The following IGF1R variants were observed in gnomAD, a reference collection of about 807,000 sequenced individuals.
IGF1R encodes insulin like growth factor 1 receptor, also known as insulin-like growth factor 1 receptor.
A neutral mutation model predicts 144.6 loss-of-function variants in IGF1R; 44 were observed. That is an observed-to-expected ratio of 0.30 (90% CI 0.24 to 0.39). The LOEUF is 0.39. Ranked by LOEUF, IGF1R falls within the 10% of genes least tolerant of loss-of-function variation. The pLI, the probability that IGF1R is intolerant of heterozygous loss-of-function variation, is 1.00. For synonymous variants in IGF1R, 795 were observed against 722.8 expected (o/e 1.10, Z -1.60); for missense variants, 1,355 against 1,833.7 (o/e 0.74, Z 4.77).
At chr15:98,669,677 G>C (rs985193197) in intron 1 of IGF1R, among the ~76,000 whole-genome samples, 1 of 152,180 alleles carries the variant, frequency 6.6e-6, no homozygotes, top group African/African-American at 2.4e-5. Flanking sequence ...GTGAAACACT[G>C]ACTTCCCTCC....
At chr15:98,864,845 C>T (rs769587658) in intron 2 of IGF1R, among the ~76,000 whole-genome samples, 2 of 152,114 alleles carry the variant, frequency 1.3e-5, no homozygotes, top group Non-Finnish European at 2.9e-5. Context: ...TTGATGAAAC[C>T]GAATGGCTAA....
chr15:98,911,996 C>G (rs1452890025), intron 7 of IGF1R, among the ~76,000 whole-genome samples: 1 of 152,192 alleles, frequency 6.6e-6, no homozygotes, highest in Non-Finnish European at 1.5e-5. Context: ...TGTGACTTCT[C>G]CTAGACTCTG....
intron 1 of IGF1R, among the ~76,000 whole-genome samples, chr15:98,655,706 C>G (rs2052469593): frequency 6.6e-6 from 1 of 150,640 alleles, no homozygotes; most frequent in Non-Finnish European, 1.5e-5. Flanking sequence ...TTTTCCTGCC[C>G]TGGACTACAG....
chr15:98,854,118 T>C (rs926623962), intron 2 of IGF1R, among the ~76,000 whole-genome samples: 2 of 152,196 alleles, frequency 1.3e-5, no homozygotes, highest in African/African-American at 4.8e-5. Flanking sequence ...TTGTGTATCG[T>C]GTGGTGACAG....
intron 2 of IGF1R, chr15:98,821,033 T>C (rs567339708): frequency 6.6e-6 from 1 of 152,334 alleles, no homozygotes; most frequent in South Asian, 2.1e-4. Flanking sequence ...GTGTTTTTTA[T>C]GTAAATGCTG....
rs1413821254 is a variant in IGF1R, at chr15:98,935,098, G to A, written c.3186+45G>A. ...AAGCCAAAATGCAGCACAGGGAGAG[G>A]GTATCACACAAGCCTCCCAGTATGT... On this transcript the variant is annotated intron_variant, in intron 16 of 20. Transcript: ENST00000650285. The surrounding 1 kb of genome is among the most constrained non-coding windows in gnomAD (Gnocchi z 4.2). The A allele has an allele frequency of 6.8e-7, 1 of 1,467,370 alleles. No homozygotes were observed. Among genetic ancestry groups the A allele is most frequent in the Admixed American group, 1.7e-5 (1 of 59,060 alleles). The allele number at this position is 1,467,370 out of a possible 1,614,324, so 90.9% of individuals were successfully genotyped here. A position where few individuals can be genotyped will look rare whatever the true frequency, so the allele number is the denominator to read the frequency against.
At chr15:98,708,269 G>A (rs1390976807) in intron 2 of IGF1R, among the ~76,000 whole-genome samples, 162 bp downstream of exon 2, 1 of 152,180 alleles carries the variant, frequency 6.6e-6, no homozygotes, top group East Asian at 1.9e-4. Context: ...TTCCCAGTGG[G>A]GGTCTTGGTT....
At position 98,649,182 on chromosome 15, in the gene IGF1R, G is replaced by A. The variant is rs2052274561; in HGVS notation, c.-400G>A. 7 of 219,054 alleles carry A rather than the reference G, an allele frequency of 3.2e-5. No homozygotes were observed. In the East Asian group the frequency reaches 4.5e-4, roughly 14 times the overall value. The allele number at this position is 219,054 out of a possible 1,614,324, so 13.6% of individuals were successfully genotyped here. On this transcript the variant is annotated 5_prime_UTR_variant, in exon 1 of 21. Coordinates refer to ENST00000650285, the MANE Select transcript of IGF1R (RefSeq NM_000875.5). ...AAGCTCGGGCGTCCGGCCGCCTCCC[G>A]CGCGGCCAGGGCCGGGCTTGTTTTT... is the stretch of plus-strand genomic sequence containing the variant.
chr15:98,835,099 ACACACACACACC>A (rs2057072204), intron 2 of IGF1R, among the ~76,000 whole-genome samples: 1 of 149,522 alleles, frequency 6.7e-6, no homozygotes, highest in Non-Finnish European at 1.5e-5. Context: ...ACACACACAC[ACACACACACACC>A]CCTACACCCA....
chr15:98,962,008 A>C lies in IGF1R; in HGVS notation c.*4566A>C, dbSNP rs1323954393. On this transcript the variant is annotated 3_prime_UTR_variant, in exon 21 of 21. Transcript: ENST00000650285. ...GGGATAAAAGATTTATGAGCCAACTATTCTCTGGCACCAGATTCTAGGCCA... is the reference window on the plus strand; with the variant it reads ...GGGATAAAAGATTTATGAGCCAACTCTTCTCTGGCACCAGATTCTAGGCCA... 1.7e-5 allele frequency: 4 copies of C among 233,324 alleles called. No individual in the cohort carries two copies. Among genetic ancestry groups the C allele is most frequent in the Admixed American group, 5.6e-5 (1 of 17,812 alleles). 14.5% of individuals were successfully genotyped at this position (233,324 alleles called of 1,614,324 possible). A position where few individuals can be genotyped will look rare whatever the true frequency, so the allele number is the denominator to read the frequency against.
At chr15:98,652,566 G>A (rs2052394909) in intron 1 of IGF1R, among the ~76,000 whole-genome samples, 1 of 152,154 alleles carries the variant, frequency 6.6e-6, no homozygotes, top group South Asian at 2.1e-4. Flanking sequence ...TTGATTTGTC[G>A]AAAAAGATTA....
At chr15:98,678,975 A>G (rs2053119953) in intron 1 of IGF1R, among the ~76,000 whole-genome samples, 1 of 134,794 alleles carries the variant, frequency 7.4e-6, no homozygotes, top group Admixed American at 7.8e-5. Context: ...CAGATGGTGT[A>G]CAGTGGTGTG....
chr15:98,934,697 G>T, intron 15 of IGF1R, 127 bp from the exon 16 acceptor site: 1 of 789,310 alleles, frequency 1.3e-6, no homozygotes, highest in Non-Finnish European at 2.2e-6. Context: ...CCATGCCATC[G>T]CCTCCTGGTA....
intron 2 of IGF1R, among the ~76,000 whole-genome samples, chr15:98,824,515 G>A (rs2141485634): frequency 6.6e-6 from 1 of 152,304 alleles, no homozygotes; most frequent in Non-Finnish European, 1.5e-5. Context: ...TGTTCTCTGT[G>A]ATGTGAAGTC....
intron 2 of IGF1R, among the ~76,000 whole-genome samples, chr15:98,883,004 TTTTTA>T (rs1176925030): frequency 6.6e-6 from 1 of 152,226 alleles, no homozygotes; most frequent in East Asian, 1.9e-4. Flanking sequence ...CTTGAAAACC[TTTTTA>T]TTTAGGTTCA....
Position 98,929,548 on chromosome 15 carries a change from T to C in IGF1R, c.2783-10T>C, listed in dbSNP as rs1478348766. ...GGTGATATTTTATCATTTCCTCCTC[T>C]TTGCTGCAGCAGGATATGAAAACTT... On this transcript the variant is annotated splice_polypyrimidine_tract_variant and intron_variant, in intron 13 of 20. Coordinates refer to ENST00000650285, the MANE Select transcript of IGF1R (RefSeq NM_000875.5). 1.2e-6 allele frequency: 2 copies of C among 1,604,266 alleles called. No individual in the cohort carries two copies. The highest frequency in any genetic ancestry group is 2.2e-5 in the South Asian group (2 of 90,860).
chr15:98,813,761 C>T (rs78802329), intron 2 of IGF1R, among the ~76,000 whole-genome samples: 24 of 152,350 alleles, frequency 1.6e-4, no homozygotes, highest in African/African-American at 4.6e-4. Context: ...CGGCCCCAGT[C>T]CATTCCTTAT....
chr15:98,652,965 G>A (rs920636747), intron 1 of IGF1R, among the ~76,000 whole-genome samples: 1 of 149,846 alleles, frequency 6.7e-6, no homozygotes, highest in Admixed American at 6.6e-5. Context: ...ATGTGATCAG[G>A]TTGAAAATAA....
At chr15:98,919,376 C>G (rs1365996009) in intron 10 of IGF1R, among the ~76,000 whole-genome samples, 4 of 152,192 alleles carry the variant, frequency 2.6e-5, no homozygotes. Context: ...CCCTTGGTTA[C>G]GTTGCTGTCT....
Sources: allele counts gnomAD v4.1 joint callset (sites outside exome capture counted in the v4.1 genomes callset), GRCh38; gene constraint gnomAD v4.1.1; non-coding constraint Gnocchi (gnomAD v3.1); transcripts MANE v1.5; gene names NCBI Gene and HGNC (gene_info 2026-07-23, HGNC 2026-07-21).